Variants in ERC2 observed in about 807,000 individuals in gnomAD.
ERC2 encodes ELKS/RAB6-interacting/CAST family member 2.
Under a neutral mutation model 114.8 loss-of-function variants are expected in ERC2, and 42 were observed. The ratio of observed to expected loss-of-function variants is 0.37; its 90% CI spans 0.29 to 0.47. ERC2 has a LOEUF of 0.47. Ranked by LOEUF, ERC2 falls within the 20% of genes least tolerant of loss-of-function variation. ERC2 has a pLI of 0.99. For missense variants in ERC2, 939 were observed against 1,150.7 expected (o/e 0.82, Z 2.66); for synonymous variants, 454 against 425.5 (o/e 1.07, Z -0.82).
rs1483481726 is a variant in ERC2 at position 56,134,126 on chromosome 3, G to A, written c.1473+5383C>T. On this transcript the variant is annotated intron_variant, in intron 6 of 17. Coordinates refer to ENST00000288221, the MANE Select transcript of ERC2 (RefSeq NM_015576.3). ...TAGGGTAACCACCTTAGCAATATTA[G>A]CCTTCAATTATAAGAGATACAAATA... Among the ~76,000 whole-genome samples the A allele has an allele frequency of 2.0e-5, 3 of 152,310 alleles. No homozygotes were observed. The East Asian group carries it at 5.8e-4, about 29-fold the overall frequency.
chr3:56,332,132 TCA>T (rs4061142), intron 2 of ERC2, among the ~76,000 whole-genome samples: 2 of 117,530 alleles, frequency 1.7e-5, no homozygotes, highest in East Asian at 2.6e-4. Flanking sequence ...TTCCTATTTT[TCA>T]CACACACACA....
chr3:55,613,510 T>C (rs911996983), intron 17 of ERC2, among the ~76,000 whole-genome samples: 8 of 152,212 alleles, frequency 5.3e-5, no homozygotes, highest in African/African-American at 1.9e-4. Flanking sequence ...AATTTTCTTT[T>C]AGGTGGGAGA....
intron 17 of ERC2, among the ~76,000 whole-genome samples, chr3:55,555,173 T>C (rs543960490): frequency 2.6e-5 from 4 of 152,196 alleles, no homozygotes; most frequent in Non-Finnish European, 5.9e-5. Context: ...TGTTTCTAAT[T>C]AAACACCAAA....
rs570345623 is a variant in ERC2, at chr3:55,683,854, G to T, written c.2853C>A (p.Asp951Glu). 6.2e-7 allele frequency: 1 copy of T among 1,611,578 alleles called. No individual in the cohort carries two copies. Among genetic ancestry groups the T allele is most frequent in the Non-Finnish European group, 8.5e-7 (1 of 1,178,984 alleles). ...CCGGCTATGCCCATATGCCCTCCTC[G>T]TCATCCTGCGGCCGGCCCGAGGTGG... ...SNHRPSPDQD[D>E]EEGIWA The change falls in exon 17 of 18, where the codon GAC becomes GAA. Residue 951 changes from aspartate (D) to glutamate (E), a missense_variant. This residue lies in a region of ERC2 where 328 missense variants were observed against 353.9 expected (regional missense o/e 0.93). Coordinates refer to ENST00000288221, the MANE Select transcript of ERC2 (RefSeq NM_015576.3).
chr3:55,629,097 AGTCT>A (rs1298103684), intron 17 of ERC2, among the ~76,000 whole-genome samples: 1 of 152,120 alleles, frequency 6.6e-6, no homozygotes, highest in African/African-American at 2.4e-5. Flanking sequence ...GCCTGGAGGG[AGTCT>A]GTCTTCAGAC....
intron 3 of ERC2, among the ~76,000 whole-genome samples, chr3:56,254,989 T>C (rs1467302383): frequency 1.3e-5 from 2 of 152,280 alleles, no homozygotes; most frequent in Non-Finnish European, 2.9e-5. Context: ...TATAATGTTT[T>C]ATTTGGTATA....
intron 7 of ERC2, among the ~76,000 whole-genome samples, chr3:56,065,443 A>G (rs1398073212): frequency 6.6e-6 from 1 of 151,674 alleles, no homozygotes; most frequent in Admixed American, 6.6e-5. Context: ...GCTGCTCTCA[A>G]ATTCCTGGGC....
intron 15 of ERC2, among the ~76,000 whole-genome samples, chr3:55,729,865 A>AAAAAAAAAAAAAG (rs1559560768): frequency 6.9e-6 from 1 of 145,406 alleles, no homozygotes; most frequent in African/African-American, 2.7e-5. Context: ...AAAAAAAAAA[A>AAAAAAAAAAAAAG]TTGTAAGCTA....
intron 17 of ERC2, among the ~76,000 whole-genome samples, chr3:55,602,757 C>A (rs543587355): frequency 9.2e-5 from 14 of 152,292 alleles, no homozygotes; most frequent in East Asian, 3.9e-4. Context: ...ATTCACCCCC[C>A]CAATGAACGC....
At chr3:55,818,451 C>T (rs759769605) in intron 14 of ERC2, among the ~76,000 whole-genome samples, 11 of 152,178 alleles carry the variant, frequency 7.2e-5, no homozygotes, top group Non-Finnish European at 1.3e-4. Flanking sequence ...TTATCAAATG[C>T]TATTACACTG....
intron 14 of ERC2, among the ~76,000 whole-genome samples, chr3:55,781,720 A>T (rs1039730589): frequency 2.6e-5 from 4 of 151,852 alleles, no homozygotes; most frequent in Non-Finnish European, 5.9e-5. Flanking sequence ...AAAATACAAA[A>T]AATTAGCTGG....
rs140540466 is a variant in ERC2 at position 55,513,682 on chromosome 3, G to A, written c.*40-2406C>T. ...AGGGTCTTGCTGTGTCACCCAGGCT[G>A]GAGTGCAGTGGTGTGATCATGGCTC... On this transcript the variant is annotated intron_variant, in intron 17 of 17. Transcript: ENST00000288221. Among the ~76,000 whole-genome samples the A allele has an allele frequency of 5.4e-4, 82 of 152,106 alleles. No homozygotes were observed. The East Asian group carries it at 0.015, about 28-fold the overall frequency.
At chr3:56,133,353 C>A (rs1431768717) in intron 6 of ERC2, among the ~76,000 whole-genome samples, 1 of 152,080 alleles carries the variant, frequency 6.6e-6, no homozygotes, top group Non-Finnish European at 1.5e-5. Context: ...AGGAGAATTG[C>A]TTGAACCCGA....
intron 6 of ERC2, among the ~76,000 whole-genome samples, chr3:56,109,473 C>T (rs1243702251): frequency 6.6e-6 from 1 of 152,140 alleles, no homozygotes; most frequent in Non-Finnish European, 1.5e-5. Context: ...AATAGTGCTG[C>T]AATGAACATT....
At chr3:55,970,520 T>C (rs997914449) in intron 12 of ERC2, among the ~76,000 whole-genome samples, 1 of 152,020 alleles carries the variant, frequency 6.6e-6, no homozygotes, top group Admixed American at 6.6e-5. Flanking sequence ...TAATTAAACA[T>C]GGGCACAGAA....
intron 4 of ERC2, among the ~76,000 whole-genome samples, chr3:56,168,100 T>C (rs2082418315): frequency 6.6e-6 from 1 of 152,168 alleles, no homozygotes; most frequent in South Asian, 2.1e-4. Context: ...GCAAGAGCTT[T>C]GAGGAGAAAC....
intron 17 of ERC2, among the ~76,000 whole-genome samples, chr3:55,570,746 CAA>C (rs2056658880): frequency 6.6e-6 from 1 of 152,148 alleles, no homozygotes; most frequent in Non-Finnish European, 1.5e-5. Flanking sequence ...TGCCCTTACA[CAA>C]GTCTTGTTTT....
chr3:56,086,630 G>C (rs1023954811), intron 6 of ERC2, among the ~76,000 whole-genome samples: 4 of 151,790 alleles, frequency 2.6e-5, no homozygotes, highest in Admixed American at 2.6e-4. Flanking sequence ...AAAACCACAA[G>C]CAGGCACACA....
intron 14 of ERC2, among the ~76,000 whole-genome samples, chr3:55,837,688 G>A (rs1440881821): frequency 6.6e-6 from 1 of 151,814 alleles, no homozygotes; most frequent in South Asian, 2.1e-4. Context: ...CACCAGCATG[G>A]CACATGCATA....
Sources: allele counts gnomAD v4.1 joint callset (sites outside exome capture counted in the v4.1 genomes callset), GRCh38; gene constraint gnomAD v4.1.1; regional missense constraint gnomAD v4.1.1; transcripts MANE v1.5; gene names NCBI Gene and HGNC (gene_info 2026-07-23, HGNC 2026-07-21).